The following TMEM61 variants were observed in gnomAD, a reference collection of about 807,000 sequenced individuals.
TMEM61 encodes the protein transmembrane protein 61.
A neutral mutation model predicts 12.0 loss-of-function variants in TMEM61; 13 were observed. That is an observed-to-expected ratio of 1.08 (90% CI 0.70 to 1.72). The LOEUF (loss-of-function observed/expected upper bound fraction) is 1.72, where lower values mean the gene tolerates loss of function less well. Ranked by LOEUF, TMEM61 falls within the 40% of genes most tolerant of loss-of-function variation. TMEM61 has a pLI of 0.00. For synonymous variants in TMEM61, 109 were observed against 121.4 expected, an observed-to-expected ratio of 0.90 and a Z score of 0.67; for missense variants, 249 against 276.9, an observed-to-expected ratio of 0.90 and a Z score of 0.71.
intron 2 of TMEM61, among the ~76,000 whole-genome samples, chr1:54,988,719 A>G (rs546280685): frequency 4.3e-4 from 65 of 152,246 alleles, no homozygotes; most frequent in African/African-American, 1.5e-3. Context: ...TCTTTCATGC[A>G]TGTGCCTAAT....
At chr1:54,985,755 C>T (rs1033830326) in intron 1 of TMEM61, among the ~76,000 whole-genome samples, 1 of 94,602 alleles carries the variant, frequency 1.1e-5, no homozygotes, top group Admixed American at 1.2e-4. Context: ...CGTTACTTTT[C>T]TCTGTCCCAG....
rs201179249 is a variant in TMEM61, at chr1:54,991,913, C to A, written c.443C>A (p.Pro148His). The A allele has an allele frequency of 3.0e-4, 490 of 1,614,190 alleles. No homozygotes were observed. The highest frequency in any genetic ancestry group is 3.7e-4 in the Non-Finnish European group (435 of 1,180,022). The change falls in exon 3 of 3, where the codon CCT becomes CAT. Residue 148 changes from proline to histidine, a missense_variant. Transcript: ENST00000371268. Reference protein sequence around the residue: ...FPVAEGPPTPPAYPTEEALEP... With the variant: ...FPVAEGPPTPHAYPTEEALEP... ...GTGGCCGAGGGGCCCCCAACACCAC[C>A]TGCATACCCTACGGAGGAAGCCCTG...
At chr1:54,981,133 G>C in intron 1 of TMEM61, 53 bp downstream of exon 1, 1 of 1,556,642 alleles carries the variant, frequency 6.4e-7, no homozygotes, top group Non-Finnish European at 8.7e-7. Context: ...CCCTTCTGTC[G>C]TCGACCTTGC....
At chr1:54,991,037 C>T (rs906987129) in intron 2 of TMEM61, among the ~76,000 whole-genome samples, 1 of 152,224 alleles carries the variant, frequency 6.6e-6, no homozygotes, top group Admixed American at 6.5e-5. Flanking sequence ...ACCCCACTCC[C>T]CACTGTGTGT....
Position 54,980,981 on chromosome 1 carries a change from C to G in TMEM61, c.-85C>G. On this transcript the variant is annotated 5_prime_UTR_variant, in exon 1 of 3. Transcript: ENST00000371268. ...CCGAGGGTCGCCGCTGGTAGGGTCG[C>G]TCAGCCCTGGCGTCCTCCACCACCA... 7.0e-7 allele frequency: 1 copy of G among 1,431,870 alleles called. No individual in the cohort carries two copies. The highest frequency in any genetic ancestry group is 2.3e-5 in the Admixed American group (1 of 43,262). The allele number at this position is 1,431,870 out of a possible 1,614,324, so 88.7% of individuals were successfully genotyped here.
intron 1 of TMEM61, among the ~76,000 whole-genome samples, chr1:54,984,786 G>T (rs967458270): frequency 6.6e-6 from 1 of 152,172 alleles, no homozygotes; most frequent in African/African-American, 2.4e-5. Flanking sequence ...CTTCAGAGAA[G>T]GCTTCCCTGG....
At chr1:54,982,146 T>C (rs929488485) in intron 1 of TMEM61, among the ~76,000 whole-genome samples, 1 of 152,124 alleles carries the variant, frequency 6.6e-6, no homozygotes, top group African/African-American at 2.4e-5. Context: ...TCAGAGATGC[T>C]GGGTGGTCAC....
chr1:54,984,046 A>T (rs1328615948), intron 1 of TMEM61, among the ~76,000 whole-genome samples: 1 of 151,942 alleles, frequency 6.6e-6, no homozygotes, highest in Non-Finnish European at 1.5e-5. Flanking sequence ...TCTCTCTCTC[A>T]CACACACATG....
rs547663527 is a variant in TMEM61 at position 54,990,489 on chromosome 1, T to C, written c.366-1347T>C. Among the ~76,000 whole-genome samples the C allele has an allele frequency of 9.2e-5, 14 of 152,288 alleles. No homozygotes were observed. In the South Asian group the frequency reaches 2.9e-3, roughly 32 times the overall value. On this transcript the variant is annotated intron_variant, in intron 2 of 2. Coordinates refer to ENST00000371268, the MANE Select transcript of TMEM61 (RefSeq NM_182532.3). ...CAGCAGCAGGTTCCATCTACCAGCA[T>C]GGGCCCCTCCGTCAGCTAAGTCCCA...
chr1:54,980,967 C>T lies in TMEM61; in HGVS notation c.-99C>T. The T allele has an allele frequency of 2.2e-6, 3 of 1,353,540 alleles. No homozygotes were observed. The highest frequency in any genetic ancestry group is 3.0e-6 in the Non-Finnish European group (3 of 1,013,626). 83.8% of individuals were successfully genotyped at this position (1,353,540 alleles called of 1,614,324 possible). On this transcript the variant is annotated 5_prime_UTR_variant, in exon 1 of 3. Coordinates refer to ENST00000371268, the MANE Select transcript of TMEM61 (RefSeq NM_182532.3). ...CGCCTCCTGCAGACCCGAGGGTCGC[C>T]GCTGGTAGGGTCGCTCAGCCCTGGC...
chr1:54,982,471 CCTT>C (rs1644229460), intron 1 of TMEM61, among the ~76,000 whole-genome samples: 1 of 152,186 alleles, frequency 6.6e-6, no homozygotes, highest in Admixed American at 6.5e-5. Flanking sequence ...TGGACATTGA[CCTT>C]CTCCACCCCA....
chr1:54,982,267 A>G (rs928985430), intron 1 of TMEM61, among the ~76,000 whole-genome samples: 2 of 152,130 alleles, frequency 1.3e-5, no homozygotes, highest in Non-Finnish European at 2.9e-5. Flanking sequence ...TTCTGTAGAC[A>G]GCCTTCTGGG....
rs1284912201 is a variant in TMEM61, at chr1:54,980,919, G to GGCCCCTCC, written c.-140_-133dup. ...GAGCAGGGCTCGGGGGCAGCGGCCA[G>GGCCCCTCC]GCCCCTCCGCCCCTAACACCCGCGC... On this transcript the variant is annotated 5_prime_UTR_variant, in exon 1 of 3. Transcript: ENST00000371268. 83 of 811,262 alleles carry GGCCCCTCC rather than the reference G, an allele frequency of 1.0e-4. No homozygotes were observed. The highest frequency in any genetic ancestry group is 1.4e-4 in the Non-Finnish European group (78 of 555,200). The allele number at this position is 811,262 out of a possible 1,614,324, so 50.3% of individuals were successfully genotyped here. A position where few individuals can be genotyped will look rare whatever the true frequency, so the allele number is the denominator to read the frequency against.
chr1:54,980,738 C>G lies in TMEM61; in HGVS notation c.-328C>G, dbSNP rs1176605351. 1.7e-5 allele frequency: 5 copies of G among 286,000 alleles called. No individual in the cohort carries two copies. The highest frequency in any genetic ancestry group is 3.2e-5 in the Non-Finnish European group (5 of 154,458). The allele number at this position is 286,000 out of a possible 1,614,324, so 17.7% of individuals were successfully genotyped here. On this transcript the variant is annotated 5_prime_UTR_variant, in exon 1 of 3. Coordinates refer to ENST00000371268, the MANE Select transcript of TMEM61 (RefSeq NM_182532.3). ...CCGCGCTCCCCTGGGCGCCCCACGG[C>G]AGCCTCAGAGCCCCGCGGGGAGCGC...
At chr1:54,991,379 G>A (rs1480892786) in intron 2 of TMEM61, among the ~76,000 whole-genome samples, 1 of 152,208 alleles carries the variant, frequency 6.6e-6, no homozygotes, top group Non-Finnish European at 1.5e-5. Context: ...GCATCCAGAT[G>A]GGCAGAGGAA....
intron 2 of TMEM61, among the ~76,000 whole-genome samples, chr1:54,989,131 G>A (rs1644279327): frequency 6.6e-6 from 1 of 152,180 alleles, no homozygotes; most frequent in Non-Finnish European, 1.5e-5. Flanking sequence ...AACTGCTTAT[G>A]AGGTAAGTGT....
Position 54,980,823 on chromosome 1 carries a change from GGCGGC to G in TMEM61, c.-241_-237del. On this transcript the variant is annotated 5_prime_UTR_variant, in exon 1 of 3. Coordinates refer to ENST00000371268, the MANE Select transcript of TMEM61 (RefSeq NM_182532.3). ...GCTCGGTCCCTGCGCACCGGGTGCG[GGCGGC>G]GGAGAGGGCGCGGCTGGTGAGCCCT... 1 of 394,068 alleles carries G rather than the reference GGCGGC, an allele frequency of 2.5e-6. No homozygotes were observed. Among genetic ancestry groups the G allele is most frequent in the South Asian group, 1.2e-4 (1 of 8,606 alleles). 24.4% of individuals were successfully genotyped at this position (394,068 alleles called of 1,614,324 possible).
Position 54,992,203 on chromosome 1 carries a change from T to C in TMEM61, c.*100T>C. ...ACAGTAGGCACTCAGCAAACGTTCG[T>C]TGTTGAAGGCTGTTCTATTTATCTA... On this transcript the variant is annotated 3_prime_UTR_variant, in exon 3 of 3. Transcript: ENST00000371268. The C allele has an allele frequency of 7.0e-7, 1 of 1,419,228 alleles. No homozygotes were observed. The highest frequency in any genetic ancestry group is 2.3e-5 in the East Asian group (1 of 43,712). The allele number at this position is 1,419,228 out of a possible 1,614,324, so 87.9% of individuals were successfully genotyped here.
chr1:54,988,553 G>A (rs1431771875), intron 2 of TMEM61, among the ~76,000 whole-genome samples: 2 of 152,220 alleles, frequency 1.3e-5, no homozygotes, highest in Admixed American at 1.3e-4. Flanking sequence ...GCCCCCATGG[G>A]TGGCTACTCT....
Sources: gnomAD v4.1 joint callset for allele counts (sites outside exome capture counted in the v4.1 genomes callset) on GRCh38, gnomAD v4.1.1 for gene constraint, MANE v1.5 for transcripts, NCBI Gene and HGNC (gene_info 2026-07-23, HGNC 2026-07-21) for gene names.